The following MEGF6 variants were observed in gnomAD, a reference collection of about 807,000 sequenced individuals.
MEGF6 encodes multiple epidermal growth factor-like domains protein 6.
Under a neutral mutation model 207.1 loss-of-function variants are expected in MEGF6, and 184 were observed. That is an observed-to-expected ratio of 0.89 (90% CI 0.79 to 1.00). MEGF6 has a LOEUF of 1.00. Ranked by LOEUF, MEGF6 falls within the 50% of genes least tolerant of loss-of-function variation. MEGF6 has a pLI of 0.00. For missense variants in MEGF6, 2,282 were observed against 2,202.9 expected, an observed-to-expected ratio of 1.04 and a Z score of -0.72; for synonymous variants, 1,038 against 910.0, an observed-to-expected ratio of 1.14 and a Z score of -2.53.
chr1:3,497,411 T>C, intron 26 of MEGF6, 50 bp from the exon 27 acceptor site: 1 of 1,476,704 alleles, frequency 6.8e-7, no homozygotes, highest in Non-Finnish European at 9.0e-7. Flanking sequence ...CCCGTGGGGA[T>C]CTGTGGGCCA....
chr1:3,493,948 C>A (rs369484907), intron 33 of MEGF6, 48 bp downstream of exon 33: 3 of 1,581,434 alleles, frequency 1.9e-6, no homozygotes, highest in Admixed American at 3.7e-5. Flanking sequence ...TGCACCCAGA[C>A]GGGACGGGGC....
rs1557717867 is a variant in MEGF6 at position 3,498,437 on chromosome 1, G to C, written c.3286C>G (p.Leu1096Val). 1 of 1,579,768 alleles carries C rather than the reference G, an allele frequency of 6.3e-7. No individual in the cohort carries two copies. The highest frequency in any genetic ancestry group is 1.7e-5 in the Admixed American group (1 of 57,504). The change falls in exon 26 of 37, where the codon CTG becomes GTG. Residue 1096 changes from leucine (L) to valine (V), a missense_variant. Physicochemically the swap from Leu to Val is conservative, Grantham distance 32 (BLOSUM62 1). Coordinates refer to ENST00000356575, the MANE Select transcript of MEGF6 (RefSeq NM_001409.4). ...CAGCGGCCCGTGTGCGGGTCACACA[G>C]GCCCCCGTTGAGGCAACCGCCGCTG... ...RHSGGCLNGGLCDPHTGRCLC... is the reference protein window; with the variant it reads ...RHSGGCLNGGVCDPHTGRCLC...
chr1:3,505,631 G>A, intron 15 of MEGF6, 75 bp from the exon 16 acceptor site: 1 of 1,459,716 alleles, frequency 6.9e-7, no homozygotes, highest in South Asian at 1.4e-5. Context: ...CCAGCCCTGG[G>A]TCAGCCAGGA....
intron 4 of MEGF6, among the ~76,000 whole-genome samples, chr1:3,559,468 G>A (rs1643126178): frequency 6.8e-6 from 1 of 147,640 alleles, no homozygotes; most frequent in African/African-American, 2.5e-5. Context: ...GCTGCAGTGA[G>A]CTATGACTGT....
Position 3,595,423 on chromosome 1 carries a change from C to T in MEGF6, c.291G>A (p.Arg97=), listed in dbSNP as rs368229126. Residue 97 remains arginine (R), a synonymous_variant, in exon 3 of 37, where the codon AGG becomes AGA. Coordinates refer to ENST00000356575, the MANE Select transcript of MEGF6 (RefSeq NM_001409.4). ...TCCGGGCCTCCGTGGTATACACCTGCCTGTAGCCCATGTAGTAGACGGTTC... is the reference window on the plus strand; with the variant it reads ...TCCGGGCCTCCGTGGTATACACCTGTCTGTAGCCCATGTAGTAGACGGTTC... ...ERRTVYYMGY[R]QVYTTEARTV... 1.3e-5 allele frequency: 21 copies of T among 1,612,592 alleles called. No individual in the cohort carries two copies. Among genetic ancestry groups the T allele is most frequent in the South Asian group, 2.2e-5 (2 of 91,090 alleles).
chr1:3,574,647 C>T lies in MEGF6; in HGVS notation c.481+5178G>A, dbSNP rs1013718599. The stretch of plus-strand genomic sequence containing the variant: ...CCAAAGGTTACTATTTATTTATTTA[C>T]TTATTTATCTATTGAGACAGGGTCT... On this transcript the variant is annotated intron_variant, in intron 4 of 36. Coordinates refer to ENST00000356575, the MANE Select transcript of MEGF6 (RefSeq NM_001409.4). Among the ~76,000 whole-genome samples, 110 of 144,690 alleles carry T rather than the reference C, an allele frequency of 7.6e-4. 1 individual carries two copies. The highest frequency in any genetic ancestry group is 2.8e-3 in the African/African-American group (100 of 35,554). 94.9% of individuals were successfully genotyped at this position (144,690 alleles called of 152,430 possible). A position where few individuals can be genotyped will look rare whatever the true frequency, so the allele number is the denominator to read the frequency against.
intron 4 of MEGF6, among the ~76,000 whole-genome samples, chr1:3,524,716 T>C (rs1570050562): frequency 6.6e-6 from 1 of 151,802 alleles, no homozygotes; most frequent in Admixed American, 6.6e-5. Flanking sequence ...GCTTCAAGAG[T>C]GTCCCCGCAG....
intron 4 of MEGF6, among the ~76,000 whole-genome samples, chr1:3,555,729 G>T (rs1416405925): frequency 6.6e-6 from 1 of 152,202 alleles, no homozygotes; most frequent in Non-Finnish European, 1.5e-5. Context: ...GGTGCCTGCT[G>T]CCGCTCATGC....
chr1:3,581,428 G>A (rs960249353), intron 3 of MEGF6, among the ~76,000 whole-genome samples: 5 of 152,136 alleles, frequency 3.3e-5, no homozygotes, highest in African/African-American at 1.2e-4. Flanking sequence ...TAGGGTGGGG[G>A]CCAGGGGGCT....
At position 3,493,853 on chromosome 1, in the gene MEGF6, G is replaced by T; in HGVS notation, c.4305C>A (p.Asp1435Glu). ...SFGEGCHQRC[D>E]CDGGAPCDPV... ...GGTCACAGGGTGCCCCCCCGTCACAGTCACAGCGCTGGTGGCAGCCCTCTC... is the reference window on the plus strand; with the variant it reads ...GGTCACAGGGTGCCCCCCCGTCACATTCACAGCGCTGGTGGCAGCCCTCTC... The change falls in exon 34 of 37, where the codon GAC becomes GAA. Residue 1435 changes from aspartate (D) to glutamate (E), a missense_variant. Coordinates refer to ENST00000356575, the MANE Select transcript of MEGF6 (RefSeq NM_001409.4). 6.2e-7 allele frequency: 1 copy of T among 1,601,146 alleles called. No homozygotes were observed. The highest frequency in any genetic ancestry group is 1.1e-5 in the South Asian group (1 of 89,224).
At position 3,565,877 on chromosome 1, in the gene MEGF6, C is replaced by T. The variant is rs1643329937; in HGVS notation, c.481+13948G>A. On this transcript the variant is annotated intron_variant, in intron 4 of 36. Transcript: ENST00000356575. The surrounding 1 kb of genome is among the most constrained non-coding windows in gnomAD (Gnocchi z 4.8). ...AGGCACTGTGGACCCTGACACCCAG[C>T]GGCACAGGGACTCTCATGGGGTGCA... 6.6e-6 allele frequency among the ~76,000 whole-genome samples: 1 copy of T among 152,176 alleles called. No individual in the cohort carries two copies. The highest frequency in any genetic ancestry group is 1.5e-5 in the Non-Finnish European group (1 of 68,016).
chr1:3,492,205 G>A (rs1235526929), intron 35 of MEGF6, among the ~76,000 whole-genome samples: 3 of 152,250 alleles, frequency 2.0e-5, no homozygotes, highest in Non-Finnish European at 4.4e-5. Flanking sequence ...ACTGTTGCAC[G>A]TGCGTGCACA....
At chr1:3,561,419 T>C (rs957862204) in intron 4 of MEGF6, among the ~76,000 whole-genome samples, 2 of 152,164 alleles carry the variant, frequency 1.3e-5, no homozygotes, top group Non-Finnish European at 2.9e-5. Flanking sequence ...TTTCCAGAAG[T>C]GGGGTCACCC....
chr1:3,609,159 G>A (rs1191362041), intron 1 of MEGF6, among the ~76,000 whole-genome samples: 2 of 152,166 alleles, frequency 1.3e-5, no homozygotes, highest in African/African-American at 4.8e-5. Flanking sequence ...AGCACTCTCT[G>A]GGATCTGGCC....
At chr1:3,611,965 C>T (rs1412808529), upstream of MEGF6, among the ~76,000 whole-genome samples, 2 of 152,124 alleles carry the variant, frequency 1.3e-5, no homozygotes, top group Non-Finnish European at 2.9e-5. Context: ...AGCCCTCAGC[C>T]TCCCTCACTT....
chr1:3,606,011 G>A (rs1314677225), intron 1 of MEGF6, among the ~76,000 whole-genome samples: 2 of 152,232 alleles, frequency 1.3e-5, no homozygotes, highest in Non-Finnish European at 2.9e-5. Flanking sequence ...CCTACTGACA[G>A]ATACTCTGTC....
rs1640238767 is a variant in MEGF6, at chr1:3,488,777, C to G, written c.*1751G>C. Among the ~76,000 whole-genome samples, 1 of 152,180 alleles carries G rather than the reference C, an allele frequency of 6.6e-6. No individual in the cohort carries two copies. The highest frequency in any genetic ancestry group is 2.1e-4 in the South Asian group (1 of 4,832). On this transcript the variant is annotated 3_prime_UTR_variant, in exon 37 of 37. Transcript: ENST00000356575. ...CTGGGACTTTAGAATTTATCTTTGA[C>G]ATTGATGTTCTTCAAGGTCTTATGG...
At chr1:3,504,101 A>ATGGCCCCAGGGGAGGCAGAGGAGGGGGC (rs558021464) in intron 17 of MEGF6, among the ~76,000 whole-genome samples, 7 of 151,942 alleles carry the variant, frequency 4.6e-5, no homozygotes, top group African/African-American at 7.3e-5. Flanking sequence ...GCCCCCTGGT[A>ATGGCCCCAGGGGAGGCAGAGGAGGGGGC]TGGCCCCAGG....
intron 2 of MEGF6, among the ~76,000 whole-genome samples, chr1:3,600,633 C>G (rs556752976): frequency 6.6e-6 from 1 of 152,292 alleles, no homozygotes; most frequent in East Asian, 1.9e-4. Flanking sequence ...GAGACTCCCC[C>G]GAGGCTGCAC....
Sources: gnomAD v4.1 joint callset for allele counts (sites outside exome capture counted in the v4.1 genomes callset) on GRCh38, gnomAD v4.1.1 for gene constraint, Gnocchi (gnomAD v3.1) non-coding constraint, MANE v1.5 for transcripts, NCBI Gene and HGNC (gene_info 2026-07-23, HGNC 2026-07-21) for gene names.